ANKRD36C: variants seen among roughly 807,000 people sequenced by gnomAD.
ANKRD36C encodes ankyrin repeat domain-containing protein 36C.
In ANKRD36C, 61 loss-of-function variants were observed where a neutral mutation model predicts 276.4. That is an observed-to-expected ratio of 0.22 (90% CI 0.18 to 0.27). The LOEUF is 0.27. Ranked by LOEUF, ANKRD36C falls within the 10% of genes least tolerant of loss-of-function variation. The pLI, the probability that ANKRD36C is intolerant of heterozygous loss-of-function variation, is 1.00. For synonymous variants in ANKRD36C, 483 were observed against 680.1 expected (o/e 0.71, Z 4.51); for missense variants, 1,447 against 2,032.3 (o/e 0.71, Z 5.54).
chr2:95,915,999 A>G, exon 38 of ANKRD36C: 2 of 1,555,292 alleles, frequency 1.3e-6, no homozygotes, highest in Non-Finnish European at 1.7e-6. Flanking sequence ...ATATTTCTCC[A>G]TCCTTTTTTT....
At position 95,880,516 on chromosome 2, in the gene ANKRD36C, A is replaced by G. The variant is rs748650316; in HGVS notation, c.3397-17T>C. 67 of 1,545,080 alleles carry G rather than the reference A, an allele frequency of 4.3e-5. No homozygotes were observed. Among genetic ancestry groups the G allele is most frequent in the Middle Eastern group, 2.3e-4 (1 of 4,430 alleles). ...AATTGTAGCCTGAATGGGTTTTAAA[A>G]CAAAGTGATTAGCACATGATGTATA... On this transcript the variant is annotated splice_polypyrimidine_tract_variant and intron_variant, in intron 57 of 66. Transcript: ENST00000456556.
intron 44 of ANKRD36C, among the ~76,000 whole-genome samples, 171 bp from the exon 61 acceptor site, chr2:95,895,761 AG>A (rs1370335044): frequency 6.6e-6 from 1 of 151,048 alleles, no homozygotes; most frequent in Non-Finnish European, 1.5e-5. Flanking sequence ...CACTGAAAAA[AG>A]GGAACACAGG....
chr2:95,923,961 G>A (rs1239305089), intron 30 of ANKRD36C, among the ~76,000 whole-genome samples: 19 of 151,686 alleles, frequency 1.3e-4, no homozygotes, highest in African/African-American at 3.6e-4. Flanking sequence ...TGAATATGTC[G>A]AATGATGAGG....
At chr2:95,984,796 AT>A (rs1218528987) in intron 3 of ANKRD36C, among the ~76,000 whole-genome samples, 4 of 151,880 alleles carry the variant, frequency 2.6e-5, no homozygotes, top group Admixed American at 2.6e-4. Flanking sequence ...TTGTAACCTC[AT>A]TTTTTTTATT....
chr2:95,851,842 G>A, intron 65 of ANKRD36C, 55 bp from the exon 86 acceptor site: 1 of 1,485,982 alleles, frequency 6.7e-7, no homozygotes, highest in Non-Finnish European at 9.1e-7. Flanking sequence ...TTTAAATCAT[G>A]TAAATTCTAA....
intron 59 of ANKRD36C, among the ~76,000 whole-genome samples, chr2:95,873,626 G>GA (rs1233893293): frequency 6.6e-6 from 1 of 152,246 alleles, no homozygotes; most frequent in East Asian, 1.9e-4. Flanking sequence ...ACAAGACAGG[G>GA]ATGCCCTCTC....
chr2:95,921,910 G>A lies in ANKRD36C; in HGVS notation c.2144-100C>T, dbSNP rs1677283006. ...AAGCTGTATCTGCCTGCCTGTATTA[G>A]TGTAGGCTTTGATGTTTTCTACTTT... On this transcript the variant is annotated intron_variant, in intron 32 of 66. Transcript: ENST00000456556. 3 of 1,260,336 alleles carry A rather than the reference G, an allele frequency of 2.4e-6. No homozygotes were observed. The African/African-American group carries it at 4.6e-5, about 19-fold the overall frequency. 78.1% of individuals were successfully genotyped at this position (1,260,336 alleles called of 1,614,324 possible).
intron 32 of ANKRD36C, among the ~76,000 whole-genome samples, chr2:95,923,258 C>T (rs1558641551): frequency 2.0e-5 from 3 of 151,606 alleles, no homozygotes; most frequent in African/African-American, 7.3e-5. Flanking sequence ...TCTTGATCTG[C>T]TCTCCAATGT....
At chr2:95,873,367 G>A (rs953617004) in intron 59 of ANKRD36C, among the ~76,000 whole-genome samples, 7 of 152,206 alleles carry the variant, frequency 4.6e-5, no homozygotes, top group East Asian at 3.9e-4. Flanking sequence ...TTCAATATAC[G>A]CAAATAAATA....
chr2:95,973,948 G>A (rs1242025981), intron 6 of ANKRD36C, among the ~76,000 whole-genome samples: 2 of 152,080 alleles, frequency 1.3e-5, no homozygotes, highest in Admixed American at 6.6e-5. Context: ...CGACTTAGGA[G>A]GCTGAGGTAG....
intron 44 of ANKRD36C, among the ~76,000 whole-genome samples, 167 bp from the exon 63 acceptor site, chr2:95,893,891 G>A (rs1253342012): frequency 6.6e-6 from 1 of 151,434 alleles, no homozygotes; most frequent in Admixed American, 6.6e-5. Context: ...AATACACTGA[G>A]AAAAGGGAAT....
intron 6 of ANKRD36C, among the ~76,000 whole-genome samples, chr2:95,964,641 T>C: frequency 6.6e-6 from 1 of 152,020 alleles, no homozygotes; most frequent in Non-Finnish European, 1.5e-5. Flanking sequence ...TGGCTTCCTC[T>C]CTCCCATAGA....
exon 32 of ANKRD36C, chr2:95,923,559 A>C (rs1370007343): frequency 2.5e-6 from 4 of 1,610,632 alleles, no homozygotes; most frequent in East Asian, 4.5e-5. Flanking sequence ...CTGTCTTGTC[A>C]CTTGTAGCCT....
At chr2:95,920,215 C>G (rs528168995) in intron 34 of ANKRD36C, among the ~76,000 whole-genome samples, 1 of 133,016 alleles carries the variant, frequency 7.5e-6, no homozygotes, top group South Asian at 2.3e-4. Flanking sequence ...TGAGGACAAA[C>G]TGATCTAAAA....
At chr2:95,855,075 T>G (rs1326536056) in intron 63 of ANKRD36C, among the ~76,000 whole-genome samples, 191 bp downstream of exon 83, 1 of 152,190 alleles carries the variant, frequency 6.6e-6, no homozygotes, top group Non-Finnish European at 1.5e-5. Flanking sequence ...ACACATTAAC[T>G]TTAATCAGAG....
chr2:95,914,312 T>G lies in ANKRD36C; in HGVS notation c.2450-9A>C. On this transcript the variant is annotated splice_polypyrimidine_tract_variant and intron_variant, in intron 38 of 66. Coordinates refer to ENST00000456556, the Ensembl canonical transcript of ANKRD36C. The stretch of plus-strand genomic sequence containing the variant: ...TGGTTTCTCAGAAGTCACTGAAAAG[T>G]AAAAGGGATTCATAATCACTCATAT... 6.5e-7 allele frequency: 1 copy of G among 1,547,620 alleles called. No homozygotes were observed. Among genetic ancestry groups the G allele is most frequent in the South Asian group, 1.2e-5 (1 of 83,974 alleles).
In ANKRD36C at chr2:95,908,541, T is replaced by G. The variant is rs1165878276; in HGVS notation, c.2653+3703A>C. 16 of 1,549,986 alleles carry G rather than the reference T, an allele frequency of 1.0e-5. 2 individuals are homozygous for G. The South Asian group carries it at 1.9e-4, about 18-fold the overall frequency. On this transcript the variant is annotated intron_variant, in intron 42 of 66. Transcript: ENST00000456556. Reference sequence around the variant, plus strand: ...TCTCCATGCTTTTTTCCTCTGGCTATATTCAAAAGAGAATCTTTCTCATCT... The same window carrying G: ...TCTCCATGCTTTTTTCCTCTGGCTAGATTCAAAAGAGAATCTTTCTCATCT...
chr2:95,937,290 T>C (rs796854944), intron 22 of ANKRD36C, among the ~76,000 whole-genome samples: 2,567 of 117,966 alleles, frequency 0.022, no homozygotes, highest in Middle Eastern at 0.036. Context: ...AAATCACTTG[T>C]GAAGACTTGG....
intron 6 of ANKRD36C, among the ~76,000 whole-genome samples, chr2:95,969,593 C>T (rs1174575371): frequency 6.6e-6 from 1 of 152,176 alleles, no homozygotes. Context: ...CTGTACCTAA[C>T]ATCCAACCAA....
Sources: gnomAD v4.1 joint callset for allele counts (sites outside exome capture counted in the v4.1 genomes callset) on GRCh38, gnomAD v4.1.1 for gene constraint, MANE v1.5 for transcripts, NCBI Gene and HGNC (gene_info 2026-07-23, HGNC 2026-07-21) for gene names.